The following PARD3B variants were observed in gnomAD, a reference collection of about 807,000 sequenced individuals.
PARD3B encodes the protein par-3 family cell polarity regulator beta.
A neutral mutation model predicts 130.2 loss-of-function variants in PARD3B; 103 were observed. The ratio of observed to expected loss-of-function variants is 0.79; its 90% CI spans 0.67 to 0.93. The LOEUF (loss-of-function observed/expected upper bound fraction) is 0.93, where lower values mean the gene tolerates loss of function less well. Among genes scored for constraint, PARD3B ranks in the 40% least tolerant of loss-of-function variants. PARD3B has a pLI of 0.00. For missense variants in PARD3B, 1,609 were observed against 1,499.2 expected (o/e 1.07, Z -1.21); for synonymous variants, 583 against 553.2 (o/e 1.05, Z -0.76).
chr2:204,939,361 G>T (rs1688718726), intron 2 of PARD3B, among the ~76,000 whole-genome samples: 1 of 152,084 alleles, frequency 6.6e-6, no homozygotes, highest in African/African-American at 2.4e-5. Context: ...ATAAAAAATG[G>T]GTTATATATT....
intron 15 of PARD3B, among the ~76,000 whole-genome samples, chr2:205,234,769 G>A (rs577862727): frequency 1.3e-5 from 2 of 151,858 alleles, no homozygotes; most frequent in African/African-American, 4.8e-5. Context: ...ACATTTAACA[G>A]GACATACCGC....
chr2:205,255,378 A>C lies in PARD3B; in HGVS notation c.2185+9556A>C, dbSNP rs547035553. ...TACTAAGCACAGCACAGAATGCTTC[A>C]ATTCTGGTCACCAAAATGTGTATGG... On this transcript the variant is annotated intron_variant, in intron 16 of 22. Coordinates refer to ENST00000406610, the MANE Select transcript of PARD3B (RefSeq NM_001302769.2). 3.3e-5 allele frequency among the ~76,000 whole-genome samples: 5 copies of C among 152,268 alleles called. No individual in the cohort carries two copies. In the South Asian group the frequency reaches 8.3e-4, roughly 25 times the overall value.
chr2:204,862,892 C>T (rs1002680592), intron 2 of PARD3B, among the ~76,000 whole-genome samples: 1 of 152,202 alleles, frequency 6.6e-6, no homozygotes, highest in Non-Finnish European at 1.5e-5. Flanking sequence ...GTCCTGCTAG[C>T]AGGTTTCTCA....
chr2:205,238,987 A>G (rs1261748682), intron 15 of PARD3B, among the ~76,000 whole-genome samples: 1 of 148,400 alleles, frequency 6.7e-6, no homozygotes, highest in Non-Finnish European at 1.5e-5. Context: ...AAGCTGGCAA[A>G]AGTGGTGAGA....
chr2:205,440,537 G>C lies in PARD3B; in HGVS notation c.2909G>C (p.Arg970Thr), dbSNP rs760380071. The C allele has an allele frequency of 1.4e-5, 22 of 1,613,912 alleles. 1 individual carries two copies. The African/African-American group carries it at 2.1e-4, about 16-fold the overall frequency. Residue 970 changes from arginine (R) to threonine (T), a missense_variant, in exon 20 of 23, where the codon AGA (arginine) becomes ACA (threonine). Arg to Thr is a moderately conservative substitution (Grantham distance 71). Transcript: ENST00000406610. The surrounding 1 kb of genome is among the most constrained non-coding windows in gnomAD (Gnocchi z 4.2). ...REPCTSANVF[R>T]SPSPPRAGPF... ...CCATGCACATCAGCAAATGTCTTTA[G>C]ATCTCCATCTCCCCCTCGAGCTGGA...
At chr2:204,696,807 T>G (rs1202369516) in intron 2 of PARD3B, among the ~76,000 whole-genome samples, 1 of 152,126 alleles carries the variant, frequency 6.6e-6, no homozygotes, top group Middle Eastern at 3.2e-3. Context: ...AGTTATCTTT[T>G]TAGCTTTACT....
intron 11 of PARD3B, among the ~76,000 whole-genome samples, chr2:205,163,227 A>G (rs985859099): frequency 6.6e-6 from 1 of 152,160 alleles, no homozygotes. Context: ...ATTCAAATTT[A>G]CAGGAATTTT....
intron 2 of PARD3B, among the ~76,000 whole-genome samples, chr2:204,959,431 A>G (rs547203053): frequency 5.3e-5 from 8 of 152,322 alleles, no homozygotes; most frequent in Middle Eastern, 3.4e-3. Context: ...TAGTGCTGCA[A>G]TAAACATGCA....
At chr2:205,315,074 T>C (rs2042517759) in intron 18 of PARD3B, among the ~76,000 whole-genome samples, 1 of 152,236 alleles carries the variant, frequency 6.6e-6, no homozygotes, top group African/African-American at 2.4e-5. Context: ...GCTTTATTCA[T>C]TTCTTCATTC....
chr2:205,123,168 T>C (rs1430528664), intron 8 of PARD3B, among the ~76,000 whole-genome samples: 1 of 152,192 alleles, frequency 6.6e-6, no homozygotes, highest in Non-Finnish European at 1.5e-5. Flanking sequence ...GCACTGCATC[T>C]GTCTAAAGGT....
chr2:205,051,479 C>A (rs1699186753), intron 4 of PARD3B, among the ~76,000 whole-genome samples: 1 of 152,152 alleles, frequency 6.6e-6, no homozygotes, highest in South Asian at 2.1e-4. Flanking sequence ...ATGAAACTTA[C>A]TTATAACCCA....
intron 19 of PARD3B, among the ~76,000 whole-genome samples, chr2:205,420,778 G>A (rs1480058547): frequency 6.6e-6 from 1 of 152,172 alleles, no homozygotes; most frequent in Non-Finnish European, 1.5e-5. Flanking sequence ...TTATTTGCAA[G>A]CAGGTCACCG....
At chr2:205,096,724 C>T (rs1173035430) in intron 4 of PARD3B, among the ~76,000 whole-genome samples, 1 of 152,118 alleles carries the variant, frequency 6.6e-6, no homozygotes, top group African/African-American at 2.4e-5. Context: ...GGATTTGAGC[C>T]AGTCATTTAA....
At chr2:204,813,312 C>T (rs947110182) in intron 2 of PARD3B, among the ~76,000 whole-genome samples, 5 of 151,874 alleles carry the variant, frequency 3.3e-5, no homozygotes, top group Non-Finnish European at 7.4e-5. Context: ...TACTTCTTTG[C>T]CATTTGTATA....
In PARD3B at chr2:204,606,466, A is replaced by T. The variant is rs1026290114; in HGVS notation, c.120+60347A>T. On this transcript the variant is annotated intron_variant, in intron 1 of 22. Transcript: ENST00000406610. This position sits in a 1 kb window ranked among gnomAD's most constrained non-coding sequence, Gnocchi z 4.0. The stretch of plus-strand genomic sequence containing the variant: ...CTTAAACATTTTTCCATGATCCAGA[A>T]GCATAGAAAAGAGAAGTAGAAATAA... Among the ~76,000 whole-genome samples the T allele has an allele frequency of 1.3e-5, 2 of 152,188 alleles. No individual in the cohort carries two copies. Among genetic ancestry groups the T allele is most frequent in the African/African-American group, 4.8e-5 (2 of 41,448 alleles).
chr2:204,761,520 A>G (rs923968462), intron 2 of PARD3B, among the ~76,000 whole-genome samples: 1 of 151,756 alleles, frequency 6.6e-6, no homozygotes. Flanking sequence ...TGGGTTGGCT[A>G]TATTTTCCCA....
intron 16 of PARD3B, among the ~76,000 whole-genome samples, chr2:205,257,736 A>C (rs946293853): frequency 3.9e-5 from 6 of 152,212 alleles, no homozygotes; most frequent in African/African-American, 1.4e-4. Context: ...GCTATATGAA[A>C]ATGGCAGAAT....
At chr2:205,434,877 T>G (rs1396043591) in intron 19 of PARD3B, among the ~76,000 whole-genome samples, 2 of 151,954 alleles carry the variant, frequency 1.3e-5, no homozygotes, top group Non-Finnish European at 2.9e-5. Context: ...TTAGGAAATT[T>G]TTTATATTTT....
intron 16 of PARD3B, among the ~76,000 whole-genome samples, chr2:205,252,253 T>C (rs1050729427): frequency 5.3e-5 from 8 of 152,338 alleles, no homozygotes; most frequent in Admixed American, 5.2e-4. Flanking sequence ...ATTATTTTAG[T>C]TCCACTCATG....
Sources: allele counts gnomAD v4.1 joint callset (sites outside exome capture counted in the v4.1 genomes callset), GRCh38; gene constraint gnomAD v4.1.1; non-coding constraint Gnocchi (gnomAD v3.1); transcripts MANE v1.5; gene names NCBI Gene and HGNC (gene_info 2026-07-23, HGNC 2026-07-21).